SLC14A2: variants seen among roughly 807,000 people sequenced by gnomAD.
SLC14A2 encodes solute carrier family 14 member 2.
In SLC14A2, 91 loss-of-function variants were observed where a neutral mutation model predicts 104.6. That is an observed-to-expected ratio of 0.87 (90% CI 0.73 to 1.04). The LOEUF (loss-of-function observed/expected upper bound fraction) is 1.04, where lower values mean the gene tolerates loss of function less well. Among genes scored for constraint, SLC14A2 ranks in the 50% least tolerant of loss-of-function variants. SLC14A2 has a pLI of 0.00. For missense variants in SLC14A2, 1,189 were observed against 1,156.0 expected (o/e 1.03, Z -0.41); for synonymous variants, 476 against 466.4 (o/e 1.02, Z -0.27).
chr18:45,176,826 T>A, the SLC14A2 span, among the ~76,000 whole-genome samples: 1 of 152,156 alleles, frequency 6.6e-6, no homozygotes. Context: ...TAATTCCTCT[T>A]TCTTGGAGAT....
chr18:45,650,107 A>C (rs9965588), intron 10 of SLC14A2, among the ~76,000 whole-genome samples: 83,203 of 152,054 alleles, frequency 0.55, 23,588 homozygotes, highest in African/African-American at 0.7. Flanking sequence ...TGCTTATGTT[A>C]TTCTTCACAA....
chr18:45,233,778 C>G (rs1204456669), intron 1 of SLC14A2, among the ~76,000 whole-genome samples: 1 of 146,334 alleles, frequency 6.8e-6, no homozygotes, highest in East Asian at 2.1e-4. Context: ...CCCCGACTCC[C>G]CCTTCCCCCA....
chr18:45,392,509 T>C (rs1282563655), intron 1 of SLC14A2, among the ~76,000 whole-genome samples: 3 of 152,206 alleles, frequency 2.0e-5, no homozygotes, highest in Admixed American at 6.5e-5. Context: ...AATAGCATAT[T>C]TTTAAAAGAT....
At chr18:45,625,595 C>A in intron 2 of SLC14A2, 88 bp from the exon 3 acceptor site, 1 of 1,114,842 alleles carries the variant, frequency 9.0e-7, no homozygotes, top group Non-Finnish European at 1.2e-6. Flanking sequence ...TTATTTTTAT[C>A]AAAAAACCTG....
chr18:45,293,511 G>C (rs557888114), intron 1 of SLC14A2, among the ~76,000 whole-genome samples: 1 of 152,030 alleles, frequency 6.6e-6, no homozygotes, highest in Non-Finnish European at 1.5e-5. Flanking sequence ...TGTCAGGCAA[G>C]GTCCCCCCGA....
chr18:45,673,583 T>C, intron 17 of SLC14A2, 100 bp from the exon 18 acceptor site: 1 of 1,334,020 alleles, frequency 7.5e-7, no homozygotes. Context: ...CCTAAGAAGA[T>C]AACTGGCTCC....
rs544021325 is a variant in SLC14A2, at chr18:45,236,277, G to GTA, written c.-125+23090_-125+23091dup. On this transcript the variant is annotated intron_variant, in intron 1 of 20. Coordinates refer to the SLC14A2 transcript ENST00000586448. The stretch of plus-strand genomic sequence containing the variant: ...TATGTGTATATATACATGTATGTGT[G>GTA]TATATGTGTATATATACATGTATGT... Among the ~76,000 whole-genome samples, 49 of 44,646 alleles carry GTA rather than the reference G, an allele frequency of 1.1e-3. 1 individual carries two copies. The highest frequency in any genetic ancestry group is 2.3e-3 in the South Asian group (3 of 1,326). 29.3% of individuals were successfully genotyped at this position (44,646 alleles called of 152,430 possible). A position where few individuals can be genotyped will look rare whatever the true frequency, so the allele number is the denominator to read the frequency against.
intron 1 of SLC14A2, among the ~76,000 whole-genome samples, chr18:45,355,653 G>T (rs9945505): frequency 0.47 from 69,372 of 149,118 alleles, 18,338 homozygotes; most frequent in African/African-American, 0.73. Flanking sequence ...TATTTTTGGA[G>T]AGGAAGTACA....
chr18:45,623,481 G>T (rs2045209233), intron 1 of SLC14A2, among the ~76,000 whole-genome samples: 1 of 152,300 alleles, frequency 6.6e-6, no homozygotes, highest in South Asian at 2.1e-4. Flanking sequence ...GGATGGTATG[G>T]CCATTTGAGA....
At chr18:45,247,695 G>A (rs1457017512) in intron 1 of SLC14A2, among the ~76,000 whole-genome samples, 1 of 146,430 alleles carries the variant, frequency 6.8e-6, no homozygotes, top group African/African-American at 2.6e-5. Flanking sequence ...TTCTGTTAAT[G>A]TAGGCCTTTT....
intron 1 of SLC14A2, among the ~76,000 whole-genome samples, chr18:45,277,323 A>G (rs1261265688): frequency 6.6e-6 from 1 of 152,262 alleles, no homozygotes; most frequent in African/African-American, 2.4e-5. Flanking sequence ...ACACATTATA[A>G]GATGCCACAA....
chr18:45,680,893 A>T (rs2046301573), intron 19 of SLC14A2, among the ~76,000 whole-genome samples: 1 of 152,062 alleles, frequency 6.6e-6, no homozygotes, highest in African/African-American at 2.4e-5. Flanking sequence ...GCTTTGGAAG[A>T]CTCGCTGAAT....
At chr18:45,512,030 T>G (rs2043372716) in intron 2 of SLC14A2, among the ~76,000 whole-genome samples, 1 of 152,182 alleles carries the variant, frequency 6.6e-6, no homozygotes, top group Non-Finnish European at 1.5e-5. Flanking sequence ...GGAAGGAACC[T>G]AGGCAGAGCC....
chr18:45,529,313 A>C (rs532497859), intron 2 of SLC14A2: 5 of 152,126 alleles, frequency 3.3e-5, no homozygotes, highest in Middle Eastern at 3.2e-3. Flanking sequence ...CTACTTTCCA[A>C]TTGGTTGTCT....
At chr18:45,671,220 A>G (rs1375901322) in intron 16 of SLC14A2, among the ~76,000 whole-genome samples, 1 of 152,190 alleles carries the variant, frequency 6.6e-6, no homozygotes, top group Non-Finnish European at 1.5e-5. Context: ...GAAATTTTAT[A>G]GAAATGGAAA....
At chr18:45,550,538 C>T (rs1169838584) in intron 2 of SLC14A2, among the ~76,000 whole-genome samples, 1 of 152,200 alleles carries the variant, frequency 6.6e-6, no homozygotes, top group East Asian at 1.9e-4. Context: ...CAGAACCTGC[C>T]TGTGTGCCTG....
intron 1 of SLC14A2, among the ~76,000 whole-genome samples, chr18:45,254,388 A>G (rs902474306): frequency 6.6e-6 from 1 of 152,228 alleles, no homozygotes; most frequent in African/African-American, 2.4e-5. Context: ...AGGCATCTTC[A>G]GCCCAGAGCA....
At chr18:45,232,327 G>T (rs1183920312) in intron 1 of SLC14A2, among the ~76,000 whole-genome samples, 1 of 152,150 alleles carries the variant, frequency 6.6e-6, no homozygotes, top group South Asian at 2.1e-4. Flanking sequence ...CTTTCAGCCA[G>T]TCAGATCTTA....
intron 1 of SLC14A2, among the ~76,000 whole-genome samples, chr18:45,271,169 C>T (rs1285452238): frequency 6.6e-6 from 1 of 152,160 alleles, no homozygotes; most frequent in Non-Finnish European, 1.5e-5. Context: ...CAGAGCCTAA[C>T]CAAGTTAGAA....
Sources: gnomAD v4.1 joint callset for allele counts (sites outside exome capture counted in the v4.1 genomes callset) on GRCh38, gnomAD v4.1.1 for gene constraint, MANE v1.5 for transcripts, NCBI Gene and HGNC (gene_info 2026-07-23, HGNC 2026-07-21) for gene names.